Variants in NFX1 observed in about 807,000 individuals in gnomAD.
The protein encoded by NFX1 is transcriptional repressor NF-X1.
Under a neutral mutation model 137.2 loss-of-function variants are expected in NFX1, and 69 were observed. The ratio of observed to expected loss-of-function variants is 0.50; its 90% CI spans 0.41 to 0.61. The LOEUF is 0.61. Among genes scored for constraint, NFX1 ranks in the 20% least tolerant of loss-of-function variants. NFX1 has a pLI of 0.00. For synonymous variants in NFX1, 495 were observed against 474.1 expected (o/e 1.04, Z -0.57); for missense variants, 1,167 against 1,391.0 (o/e 0.84, Z 2.56).
At chr9:33,296,254 G>A (rs573999376) in intron 2 of NFX1, among the ~76,000 whole-genome samples, 43 of 152,274 alleles carry the variant, frequency 2.8e-4, no homozygotes, top group African/African-American at 1.0e-3. Flanking sequence ...TCACTCCTCT[G>A]CTTAATTCCG....
intron 12 of NFX1, among the ~76,000 whole-genome samples, chr9:33,340,273 C>T (rs1322490327): frequency 2.6e-5 from 4 of 152,248 alleles, no homozygotes; most frequent in Non-Finnish European, 5.9e-5. Flanking sequence ...TTTCTGTGCA[C>T]CCGCAGGCTC....
In NFX1 at chr9:33,322,700, A is replaced by G. The variant is rs529295106; in HGVS notation, c.1906+3573A>G. The stretch of plus-strand genomic sequence containing the variant: ...GAGGCTACTATCCCACCCAGCACCC[A>G]GAGTAGTGCCTCAGAGACCTTTCCC... On this transcript the variant is annotated intron_variant, in intron 9 of 23. Coordinates refer to ENST00000379540, the MANE Select transcript of NFX1 (RefSeq NM_002504.6). Among the ~76,000 whole-genome samples, 25 of 152,318 alleles carry G rather than the reference A, an allele frequency of 1.6e-4. 1 individual carries two copies. In the South Asian group the frequency reaches 5.0e-3, roughly 30 times the overall value.
chr9:33,320,662 A>C (rs899224652), intron 9 of NFX1, among the ~76,000 whole-genome samples: 3 of 152,240 alleles, frequency 2.0e-5, no homozygotes, highest in Admixed American at 6.5e-5. Flanking sequence ...TTGGGAATGT[A>C]TGTCTGCAGT....
intron 11 of NFX1, among the ~76,000 whole-genome samples, chr9:33,336,930 C>T (rs755343225): frequency 4.6e-5 from 7 of 152,098 alleles, no homozygotes; most frequent in South Asian, 2.1e-4. Context: ...GGTGAAACCC[C>T]GTCTCTACTA....
intron 21 of NFX1, 51 bp downstream of exon 21, chr9:33,364,825 A>G (rs1226439066): frequency 4.1e-6 from 6 of 1,451,714 alleles, no homozygotes; most frequent in African/African-American, 1.4e-5. Context: ...AGCTTGATGA[A>G]AAAAAAAAAG....
At chr9:33,328,247 G>C (rs1268298207) in intron 9 of NFX1, among the ~76,000 whole-genome samples, 1 of 151,272 alleles carries the variant, frequency 6.6e-6, no homozygotes, top group East Asian at 1.9e-4. Flanking sequence ...GTGATCTCGA[G>C]CTCCTGGGGT....
At chr9:33,339,258 A>G (rs1397944321) in intron 12 of NFX1, among the ~76,000 whole-genome samples, 1 of 152,224 alleles carries the variant, frequency 6.6e-6, no homozygotes, top group African/African-American at 2.4e-5. Context: ...ATGGATCTAC[A>G]GTTCCAAGTC....
At chr9:33,364,494 T>C (rs60088224) in intron 20 of NFX1, among the ~76,000 whole-genome samples, 7,789 of 152,252 alleles carry the variant, frequency 0.051, 609 homozygotes, top group African/African-American at 0.17. Context: ...GTCCCTGGCC[T>C]TTCAGTGGCT....
chr9:33,370,071 C>T lies in NFX1; in HGVS notation c.*93C>T. On this transcript the variant is annotated 3_prime_UTR_variant, in exon 24 of 24. Coordinates refer to ENST00000379540, the MANE Select transcript of NFX1 (RefSeq NM_002504.6). ...ATCATGCCCGTTCCCCTCTGCCTGGCAGAATCACAGTCTCACATACTGTCT... is the reference window on the plus strand; with the variant it reads ...ATCATGCCCGTTCCCCTCTGCCTGGTAGAATCACAGTCTCACATACTGTCT... 1.1e-6 allele frequency: 1 copy of T among 913,760 alleles called. No individual in the cohort carries two copies. 56.6% of individuals were successfully genotyped at this position (913,760 alleles called of 1,614,324 possible).
At chr9:33,361,741 CCAGCCTGGGCGACAAGAG>C (rs750972739) in intron 19 of NFX1, among the ~76,000 whole-genome samples, 11 of 151,996 alleles carry the variant, frequency 7.2e-5, no homozygotes, top group Non-Finnish European at 1.2e-4. Context: ...CTATTGTACT[CCAGCCTGGGCGACAAGAG>C]CAGCCTGGGC....
At chr9:33,356,521 T>TTTC (rs1823815007) in intron 19 of NFX1, among the ~76,000 whole-genome samples, 1 of 152,138 alleles carries the variant, frequency 6.6e-6, no homozygotes, top group African/African-American at 2.4e-5. Flanking sequence ...TATTATCCAG[T>TTTC]TTATTTGAGT....
In NFX1 at chr9:33,294,747, T is replaced by A. The variant is rs751559126; in HGVS notation, c.353T>A (p.Val118Asp). The A allele has an allele frequency of 6.2e-7, 1 of 1,613,672 alleles. No individual in the cohort carries two copies. Among genetic ancestry groups the A allele is most frequent in the Non-Finnish European group, 8.5e-7 (1 of 1,179,944 alleles). The change falls in exon 2 of 24, where the codon GTC (valine) becomes GAC (aspartate). Residue 118 changes from valine to aspartate, a missense_variant. This residue lies in a region of NFX1 where 367 missense variants were observed against 386.7 expected (regional missense o/e 0.95). Coordinates refer to ENST00000379540, the MANE Select transcript of NFX1 (RefSeq NM_002504.6). ...KLRNEKHHIR[V>D]KKAQSLAEQT... is the part of the protein sequence containing the mutation. ...AGGAATGAGAAGCACCATATCAGAG[T>A]CAAGAAAGCACAGAGTCTTGCTGAG...
chr9:33,294,848 T>C lies in NFX1; in HGVS notation c.454T>C (p.Ser152Pro). Residue 152 changes from serine (S) to proline (P), a missense_variant, in exon 2 of 24, where the codon TCT becomes CCT. Ser to Pro is a moderately conservative substitution (Grantham distance 74, BLOSUM62 -1). Transcript: ENST00000379540. The stretch of plus-strand genomic sequence containing the variant: ...GACAGACCTCAGAGAGCATAGTCCT[T>C]CTGAGAGTGAGAAGGAAGTTGTGGG... ...SGTDLREHSP[S>P]ESEKEVVGAD... 1 of 1,614,004 alleles carries C rather than the reference T, an allele frequency of 6.2e-7. No individual in the cohort carries two copies. Among genetic ancestry groups the C allele is most frequent in the Non-Finnish European group, 8.5e-7 (1 of 1,179,988 alleles).
intron 5 of NFX1, among the ~76,000 whole-genome samples, chr9:33,307,925 T>C (rs1177580471): frequency 7.3e-5 from 11 of 150,648 alleles, no homozygotes; most frequent in Admixed American, 4.7e-4. Context: ...CACCTCATCC[T>C]CCTGAGTAGC....
intron 7 of NFX1, among the ~76,000 whole-genome samples, chr9:33,317,915 G>T (rs1317215435): frequency 3.9e-5 from 5 of 128,736 alleles, no homozygotes; most frequent in Non-Finnish European, 7.8e-5. Context: ...GGTGGAGGTT[G>T]CAGTGAGCCA....
intron 1 of NFX1, among the ~76,000 whole-genome samples, chr9:33,291,515 C>G (rs1473908551): frequency 3.3e-5 from 5 of 152,238 alleles, no homozygotes; most frequent in Admixed American, 2.0e-4. Context: ...AATCTCAGCT[C>G]TGTCCCTGAC....
Position 33,297,281 on chromosome 9 carries a change from A to G in NFX1, c.1033+1854A>G, listed in dbSNP as rs192256742. Among the ~76,000 whole-genome samples, 7 of 152,244 alleles carry G rather than the reference A, an allele frequency of 4.6e-5. No homozygotes were observed. The East Asian group carries it at 1.3e-3, about 29-fold the overall frequency. On this transcript the variant is annotated intron_variant, in intron 2 of 23. Transcript: ENST00000379540. ...CCAGTTTAATGTGAGATACAGCCCA[A>G]CCCTTGAAGCCACCATCTACCCAGG...
At position 33,294,417 on chromosome 9, in the gene NFX1, T is replaced by C. The variant is rs1361543809; in HGVS notation, c.26-3T>C. 1 of 1,552,794 alleles carries C rather than the reference T, an allele frequency of 6.4e-7. No individual in the cohort carries two copies. The highest frequency in any genetic ancestry group is 8.7e-7 in the Non-Finnish European group (1 of 1,153,994). On this transcript the variant is annotated splice_region_variant and splice_polypyrimidine_tract_variant and intron_variant, in intron 1 of 23. Coordinates refer to ENST00000379540, the MANE Select transcript of NFX1 (RefSeq NM_002504.6). The stretch of plus-strand genomic sequence containing the variant: ...ACTGGCATGTCTATTTTTTATGTCC[T>C]AGGTACTTTTAAATTCAATACAGAT...
intron 5 of NFX1, among the ~76,000 whole-genome samples, chr9:33,309,422 G>C (rs1036849954): frequency 6.6e-6 from 1 of 151,852 alleles, no homozygotes; most frequent in African/African-American, 2.4e-5. Flanking sequence ...ATGACTACCA[G>C]AGATTAAAAC....
Sources: gnomAD v4.1 joint callset for allele counts (sites outside exome capture counted in the v4.1 genomes callset) on GRCh38, gnomAD v4.1.1 for gene constraint, gnomAD v4.1.1 regional missense constraint, MANE v1.5 for transcripts, NCBI Gene and HGNC (gene_info 2026-07-23, HGNC 2026-07-21) for gene names.